DNAH11: variants seen among roughly 807,000 people sequenced by gnomAD.
The protein encoded by DNAH11 is axonemal beta dynein heavy chain 11.
In DNAH11, 442 loss-of-function variants were observed where a neutral mutation model predicts 526.0. That is an observed-to-expected ratio of 0.84 (90% CI 0.78 to 0.91). The LOEUF is 0.91. Ranked by LOEUF, DNAH11 falls within the 40% of genes least tolerant of loss-of-function variation. The probability of loss-of-function intolerance (pLI) is 0.00; values close to 1 mark genes in which losing one functional copy is unlikely to be tolerated. For synonymous variants in DNAH11, 2,461 were observed against 1,935.9 expected, an observed-to-expected ratio of 1.27 and a Z score of -7.12; for missense variants, 6,989 against 5,448.7, an observed-to-expected ratio of 1.28 and a Z score of -8.90.
At position 21,545,033 on chromosome 7, in the gene DNAH11, G is replaced by C. The variant is rs1347076051; in HGVS notation, c.379G>C (p.Val127Leu). The C allele has an allele frequency of 2.5e-6, 4 of 1,594,390 alleles. No homozygotes were observed. Among genetic ancestry groups the C allele is most frequent in the Non-Finnish European group, 2.6e-6 (3 of 1,169,986 alleles). ...EIPRDANHKL[V>L]FISKKITESI... ...TCCAAGAGATGCAAACCATAAACTT[G>C]TTTTTATTTCCAAGAAGATTACTGA... is the stretch of plus-strand genomic sequence containing the variant. The change falls in exon 2 of 82, where the codon GTT (valine) becomes CTT (leucine). Residue 127 changes from valine to leucine, a missense_variant. By Grantham distance (32) the Val-to-Leu change is conservative (BLOSUM62 1). Coordinates refer to ENST00000409508, the MANE Select transcript of DNAH11 (RefSeq NM_001277115.2).
intron 63 of DNAH11, among the ~76,000 whole-genome samples, chr7:21,814,203 A>G (rs1372412185): frequency 1.3e-5 from 2 of 152,120 alleles, no homozygotes; most frequent in South Asian, 2.1e-4. Context: ...TAGAACACCT[A>G]TCGCGAATGG....
chr7:21,615,073 C>T, intron 20 of DNAH11, 41 bp from the exon 21 acceptor site: 1 of 1,557,380 alleles, frequency 6.4e-7, no homozygotes, highest in Non-Finnish European at 8.6e-7. Context: ...TCTTCTCTTT[C>T]TCTGGCAGTT....
chr7:21,711,685 T>C, intron 41 of DNAH11, 27 bp from the exon 42 acceptor site: 2 of 1,601,088 alleles, frequency 1.2e-6, no homozygotes, highest in Non-Finnish European at 1.7e-6. Context: ...CTTTTGCCCA[T>C]GGGTGACAGT....
In DNAH11 at chr7:21,607,758, C is replaced by T. The variant is rs140523449; in HGVS notation, c.3852+1025C>T. On this transcript the variant is annotated intron_variant, in intron 20 of 81. Coordinates refer to ENST00000409508, the MANE Select transcript of DNAH11 (RefSeq NM_001277115.2). The stretch of plus-strand genomic sequence containing the variant: ...CATCCTGGCCAACACGGTGAAACCC[C>T]GTCTCTACTAAAATAAAAATTAAAA... Among the ~76,000 whole-genome samples the T allele has an allele frequency of 1.1e-3, 164 of 151,446 alleles. 2 individuals are homozygous for T. Among genetic ancestry groups the T allele is most frequent in the African/African-American group, 3.3e-3 (136 of 41,298 alleles).
intron 4 of DNAH11, among the ~76,000 whole-genome samples, chr7:21,560,180 A>T (rs1454198272): frequency 6.6e-6 from 1 of 152,212 alleles, no homozygotes; most frequent in Non-Finnish European, 1.5e-5. Flanking sequence ...CTTGCCATAC[A>T]AATTACTTAC....
intron 36 of DNAH11, among the ~76,000 whole-genome samples, chr7:21,702,126 T>G (rs1285812401): frequency 6.6e-6 from 1 of 152,200 alleles, no homozygotes; most frequent in African/African-American, 2.4e-5. Context: ...AGTAATATTC[T>G]GAGATCCTCT....
intron 30 of DNAH11, among the ~76,000 whole-genome samples, chr7:21,679,842 C>T (rs564611520): frequency 2.6e-4 from 39 of 152,118 alleles, no homozygotes; most frequent in African/African-American, 8.7e-4. Context: ...CTGCAAAGTT[C>T]GGATACAGAT....
At chr7:21,623,029 G>A (rs1459629875) in intron 25 of DNAH11, among the ~76,000 whole-genome samples, 3 of 151,902 alleles carry the variant, frequency 2.0e-5, no homozygotes, top group Non-Finnish European at 4.4e-5. Context: ...GAGTGAACAG[G>A]CAACCTACAA....
At chr7:21,674,367 TTTG>T (rs1782777182) in intron 30 of DNAH11, among the ~76,000 whole-genome samples, 1 of 151,966 alleles carries the variant, frequency 6.6e-6, no homozygotes, top group South Asian at 2.1e-4. Flanking sequence ...GTTTTTGTGT[TTTG>T]TTTTGTTTGA....
intron 23 of DNAH11, 68 bp from the exon 24 acceptor site, chr7:21,619,032 A>G: frequency 6.3e-7 from 1 of 1,594,380 alleles, no homozygotes; most frequent in Non-Finnish European, 8.6e-7. Flanking sequence ...TCATTTCACC[A>G]GCCTTTAGGC....
intron 76 of DNAH11, among the ~76,000 whole-genome samples, chr7:21,886,662 G>GCTGCCGCAGACAGTCC (rs1554292645): frequency 6.7e-6 from 1 of 149,838 alleles, no homozygotes; most frequent in Non-Finnish European, 1.5e-5. Flanking sequence ...CCCGCGAGGA[G>GCTGCCGCAGACAGTCC]CTCCCCTAGC....
Position 21,589,338 on chromosome 7 carries a change from T to A in DNAH11, c.2104T>A (p.Leu702Met). 2.5e-6 allele frequency: 4 copies of A among 1,610,280 alleles called. No homozygotes were observed. The highest frequency in any genetic ancestry group is 3.4e-6 in the Non-Finnish European group (4 of 1,178,500). ...SNVDEICEFN[L>M]NQPLVKFSAI... ...TGTGGATGAAATCTGTGAATTCAATTTGAATCAACCCTTGGTTAAATTCAG... is the reference window on the plus strand; with the variant it reads ...TGTGGATGAAATCTGTGAATTCAATATGAATCAACCCTTGGTTAAATTCAG... Residue 702 changes from leucine (L) to methionine (M), a missense_variant, in exon 12 of 82, where the codon TTG becomes ATG. Leu to Met is a conservative substitution (Grantham distance 15, BLOSUM62 2). Coordinates refer to ENST00000409508, the MANE Select transcript of DNAH11 (RefSeq NM_001277115.2).
rs2128443529 is a variant in DNAH11, at chr7:21,590,984, G to C, written c.2236G>C (p.Ala746Pro). 6.6e-7 allele frequency: 1 copy of C among 1,520,030 alleles called. No homozygotes were observed. The highest frequency in any genetic ancestry group is 1.4e-5 in the South Asian group (1 of 70,472). 94.2% of individuals were successfully genotyped at this position (1,520,030 alleles called of 1,614,324 possible). ...MLKKQDIPDS[A>P]LAIFKKRNTI... ...GAAGAAACAAGACATACCAGATTCA[G>C]CTTTAGCCATCTTCAAGAAAAGGAA... Residue 746 changes from alanine to proline, a missense_variant, in exon 13 of 82, where the codon GCT (alanine) becomes CCT (proline). Ala to Pro is a conservative substitution (Grantham distance 27, BLOSUM62 -1). Coordinates refer to ENST00000409508, the MANE Select transcript of DNAH11 (RefSeq NM_001277115.2).
At chr7:21,749,555 A>T in intron 52 of DNAH11, 123 bp from the exon 53 acceptor site, 1 of 1,296,452 alleles carries the variant, frequency 7.7e-7, no homozygotes, top group Non-Finnish European at 1.1e-6. Context: ...TATGTAAACC[A>T]GGGAAAGGCA....
At chr7:21,875,429 T>G (rs953534544) in intron 74 of DNAH11, among the ~76,000 whole-genome samples, 6 of 152,206 alleles carry the variant, frequency 3.9e-5, no homozygotes, top group Non-Finnish European at 8.8e-5. Flanking sequence ...TTGTTTTGTT[T>G]TTTTGGTAAA....
In DNAH11 at chr7:21,687,486, A is replaced by G. The variant is rs774896858; in HGVS notation, c.5883A>G (p.Gln1961=). 8.7e-6 allele frequency: 14 copies of G among 1,613,694 alleles called. No homozygotes were observed. In the African/African-American group the frequency reaches 1.1e-4, roughly 12 times the overall value. Residue 1961 remains glutamine, a synonymous_variant, in exon 34 of 82, where the codon CAA becomes CAG. Coordinates refer to ENST00000409508, the MANE Select transcript of DNAH11 (RefSeq NM_001277115.2). Reference sequence around the variant, plus strand: ...AAGTTCTGTCAGTGGTGGCAGTACAAGTGAAAATGATTCATGATGCCATCA... The same window carrying G: ...AAGTTCTGTCAGTGGTGGCAGTACAGGTGAAAATGATTCATGATGCCATCA... ...SVEVLSVVAV[Q]VKMIHDAIRN...
rs748273169 is a variant in DNAH11 at position 21,750,355 on chromosome 7, A to G, written c.8931A>G (p.Leu2977=). ...AATTCTTTATGGCCAGGGTGCGACT[A>G]CAGCTCAAAGTAAGAAATACTTGCT... ...CWKFFMARVR[L]QLKIILCFSP... Residue 2977 remains leucine, a synonymous_variant, in exon 54 of 82, where the codon CTA becomes CTG. Coordinates refer to ENST00000409508, the MANE Select transcript of DNAH11 (RefSeq NM_001277115.2). 6.9e-6 allele frequency: 11 copies of G among 1,603,106 alleles called. No homozygotes were observed. Among genetic ancestry groups the G allele is most frequent in the East Asian group, 2.2e-5 (1 of 44,548 alleles).
chr7:21,681,460 C>A, intron 30 of DNAH11, 86 bp from the exon 31 acceptor site: 1 of 1,370,364 alleles, frequency 7.3e-7, no homozygotes, highest in South Asian at 1.3e-5. Flanking sequence ...CAAACTAAAT[C>A]AGCCTTTACA....
intron 73 of DNAH11, among the ~76,000 whole-genome samples, chr7:21,869,704 G>A (rs1783424317): frequency 6.6e-6 from 1 of 152,188 alleles, no homozygotes; most frequent in Non-Finnish European, 1.5e-5. Context: ...CTTGGCTCCT[G>A]CATCAATCAT....
Sources: allele counts gnomAD v4.1 joint callset (sites outside exome capture counted in the v4.1 genomes callset), GRCh38; gene constraint gnomAD v4.1.1; transcripts MANE v1.5; gene names NCBI Gene and HGNC (gene_info 2026-07-23, HGNC 2026-07-21).